MED4: variants seen among roughly 807,000 people sequenced by gnomAD.
The protein encoded by MED4 is mediator complex subunit 4, also known as mediator of RNA polymerase II transcription subunit 4.
A neutral mutation model predicts 35.0 loss-of-function variants in MED4; 21 were observed. That is an observed-to-expected ratio of 0.60 (90% CI 0.43 to 0.86). The LOEUF (loss-of-function observed/expected upper bound fraction) is 0.86, where lower values mean the gene tolerates loss of function less well. Ranked by LOEUF, MED4 falls within the 40% of genes least tolerant of loss-of-function variation. The pLI is 0.00. For synonymous variants in MED4, 138 were observed against 114.0 expected (o/e 1.21, Z -1.34); for missense variants, 300 against 319.4 (o/e 0.94, Z 0.46).
Position 48,082,692 on chromosome 13 carries a change from TGGCG to T in MED4, c.421+675_421+678del, listed in dbSNP as rs1473479904. Among the ~76,000 whole-genome samples, 8 of 152,208 alleles carry T rather than the reference TGGCG, an allele frequency of 5.3e-5. No homozygotes were observed. In the East Asian group the frequency reaches 1.5e-3, roughly 29 times the overall value. ...AATACAAAAAATTAGCCGGGTGTGG[TGGCG>T]GGCGCCTGTAGTCCCAGCTACTCGG... On this transcript the variant is annotated intron_variant, in intron 4 of 6. Coordinates refer to ENST00000258648, the MANE Select transcript of MED4 (RefSeq NM_014166.4).
At chr13:48,080,579 T>A (rs1222174551) in intron 5 of MED4, among the ~76,000 whole-genome samples, 1 of 152,024 alleles carries the variant, frequency 6.6e-6, no homozygotes, top group Non-Finnish European at 1.5e-5. Flanking sequence ...ACATTCCAGA[T>A]GACAACTTAA....
At chr13:48,087,069 TA>T (rs899199123) in intron 2 of MED4, among the ~76,000 whole-genome samples, 1 of 151,348 alleles carries the variant, frequency 6.6e-6, no homozygotes, top group African/African-American at 2.4e-5. Context: ...AGTTTATCCT[TA>T]AAAATACAAT....
intron 3 of MED4, among the ~76,000 whole-genome samples, chr13:48,085,084 G>A (rs1182550868): frequency 1.3e-5 from 2 of 151,400 alleles, no homozygotes; most frequent in Non-Finnish European, 2.9e-5. Context: ...GACTAGGCTA[G>A]TCTTGTACTC....
At chr13:48,079,809 G>T (rs1237300729) in intron 6 of MED4, 35 bp downstream of exon 6, 4 of 1,605,812 alleles carry the variant, frequency 2.5e-6, no homozygotes, top group African/African-American at 1.3e-5. Context: ...GGAAAACCCT[G>T]ATCTGTTTGA....
intron 1 of MED4, among the ~76,000 whole-genome samples, chr13:48,091,078 A>AT (rs1403392084): frequency 1.3e-5 from 2 of 152,204 alleles, no homozygotes; most frequent in Non-Finnish European, 2.9e-5. Flanking sequence ...ACATAACATG[A>AT]TTAGTGAATG....
chr13:48,085,119 T>C (rs904917012), intron 3 of MED4, among the ~76,000 whole-genome samples: 3 of 151,902 alleles, frequency 2.0e-5, no homozygotes, highest in African/African-American at 7.3e-5. Flanking sequence ...TCTGCCCACT[T>C]TGGCTTCCCA....
At chr13:48,082,119 C>T (rs529943723) in intron 4 of MED4, among the ~76,000 whole-genome samples, 1 of 151,952 alleles carries the variant, frequency 6.6e-6, no homozygotes, top group Non-Finnish European at 1.5e-5. Flanking sequence ...CCACTCTGTT[C>T]GATCAATATG....
At chr13:48,082,206 C>T (rs1043714831) in intron 4 of MED4, among the ~76,000 whole-genome samples, 1 of 151,800 alleles carries the variant, frequency 6.6e-6, no homozygotes, top group African/African-American at 2.4e-5. Flanking sequence ...AACTAAACTG[C>T]TAAATAATAT....
In MED4 at chr13:48,086,279, T is replaced by A. The variant is rs767271279; in HGVS notation, c.363+3A>T. 24 of 1,612,590 alleles carry A rather than the reference T, an allele frequency of 1.5e-5. No individual in the cohort carries two copies. Among genetic ancestry groups the A allele is most frequent in the Non-Finnish European group, 2.0e-5 (24 of 1,179,264 alleles). On this transcript the variant is annotated splice_donor_region_variant and intron_variant, in intron 3 of 6. Transcript: ENST00000258648. ...CCTTAAGAACCAACCTCTGTCAACTTACCAGTATTTGTTCTGCTTCCTTTA... is the reference window on the plus strand; with the variant it reads ...CCTTAAGAACCAACCTCTGTCAACTAACCAGTATTTGTTCTGCTTCCTTTA...
chr13:48,093,892 T>C (rs1376258931), intron 1 of MED4, among the ~76,000 whole-genome samples: 2 of 152,236 alleles, frequency 1.3e-5, no homozygotes, highest in African/African-American at 4.8e-5. Flanking sequence ...GTAAGATTTA[T>C]TCTAAAGCTG....
At chr13:48,094,899 C>G in intron 1 of MED4, 55 bp downstream of exon 1, 1 of 1,587,290 alleles carries the variant, frequency 6.3e-7, no homozygotes, top group Non-Finnish European at 8.5e-7. Flanking sequence ...CCGGCCGGCT[C>G]CGGGGTCAGT....
intron 5 of MED4, among the ~76,000 whole-genome samples, chr13:48,081,020 C>T (rs1950804637): frequency 6.6e-6 from 1 of 152,202 alleles, no homozygotes; most frequent in African/African-American, 2.4e-5. Context: ...ATTATAGTCA[C>T]CCTTAGTGCT....
chr13:48,090,570 A>ATAC (rs1310187315), intron 1 of MED4, 152 bp from the exon 2 acceptor site: 27 of 554,038 alleles, frequency 4.9e-5, no homozygotes, highest in Non-Finnish European at 7.4e-5. Context: ...GTTCTACTTA[A>ATAC]TACTATCATT....
intron 1 of MED4, among the ~76,000 whole-genome samples, chr13:48,092,937 AG>A (rs1950900553): frequency 6.6e-6 from 1 of 152,060 alleles, no homozygotes; most frequent in Non-Finnish European, 1.5e-5. Context: ...AGTAGAGGGG[AG>A]GTAGAAGTCT....
intron 5 of MED4, among the ~76,000 whole-genome samples, chr13:48,081,321 T>G (rs1950806502): frequency 6.6e-6 from 1 of 152,200 alleles, no homozygotes; most frequent in Non-Finnish European, 1.5e-5. Context: ...TCTAAAGAGT[T>G]TGCTTCTGGC....
intron 6 of MED4, among the ~76,000 whole-genome samples, chr13:48,078,778 A>C (rs1053124385): frequency 1.3e-5 from 2 of 152,148 alleles, no homozygotes; most frequent in Non-Finnish European, 2.9e-5. Flanking sequence ...ATATGAGGTG[A>C]TATCCAAGGA....
intron 1 of MED4, among the ~76,000 whole-genome samples, chr13:48,092,600 G>A (rs1017688136): frequency 6.6e-6 from 1 of 152,204 alleles, no homozygotes; most frequent in Non-Finnish European, 1.5e-5. Context: ...TTTTGACGAG[G>A]TTATAGCCTC....
intron 4 of MED4, 43 bp downstream of exon 4, chr13:48,083,328 A>C: frequency 1.3e-6 from 2 of 1,510,288 alleles, no homozygotes; most frequent in Non-Finnish European, 9.1e-7. Flanking sequence ...CTGAAACCAG[A>C]ACCTTAACTT....
intron 1 of MED4, among the ~76,000 whole-genome samples, chr13:48,091,000 T>C (rs144265943): frequency 0.023 from 3,545 of 152,336 alleles, 61 homozygotes; most frequent in Middle Eastern, 0.044. Flanking sequence ...GCAGAGACTA[T>C]ATGGCCCATA....
Sources: allele counts gnomAD v4.1 joint callset (sites outside exome capture counted in the v4.1 genomes callset), GRCh38; gene constraint gnomAD v4.1.1; transcripts MANE v1.5; gene names NCBI Gene and HGNC (gene_info 2026-07-23, HGNC 2026-07-21).